The following DGKE variants were observed in gnomAD, a reference collection of about 807,000 sequenced individuals.
The protein encoded by DGKE is diacylglycerol kinase epsilon, also known as DAG kinase epsilon.
Under a neutral mutation model 70.0 loss-of-function variants are expected in DGKE, and 53 were observed. The observed-to-expected ratio is 0.76, with a 90% confidence interval of 0.61 to 0.95. The LOEUF (loss-of-function observed/expected upper bound fraction) is 0.95. Ranked by LOEUF, DGKE falls within the 40% of genes least tolerant of loss-of-function variation. The pLI, the probability that DGKE is intolerant of heterozygous loss-of-function variation, is 0.00. For synonymous variants in DGKE, 291 were observed against 257.0 expected (o/e 1.13, Z -1.27); for missense variants, 655 against 706.9 (o/e 0.93, Z 0.83).
intron 2 of DGKE, among the ~76,000 whole-genome samples, chr17:56,841,732 T>C (rs536859155): frequency 9.2e-5 from 14 of 152,336 alleles, no homozygotes; most frequent in African/African-American, 3.4e-4. Context: ...AATAATCTCA[T>C]TCATTTACCC....
chr17:56,840,162 C>T (rs968481941), intron 2 of DGKE, among the ~76,000 whole-genome samples: 8 of 151,986 alleles, frequency 5.3e-5, no homozygotes, highest in Non-Finnish European at 1.0e-4. Context: ...GAAACTCCAT[C>T]TCAAAAAATA....
chr17:56,853,725 G>A lies in DGKE; in HGVS notation c.1099-2787G>A, dbSNP rs1907781826. On this transcript the variant is annotated intron_variant, in intron 7 of 11. Transcript: ENST00000284061. ...TATACACTATTGGCATTGCAAATTA[G>A]TACAACCATTTTGGGAAACAATATG... Among the ~76,000 whole-genome samples the A allele has an allele frequency of 2.0e-5, 3 of 152,134 alleles. No homozygotes were observed. In the South Asian group the frequency reaches 6.2e-4, roughly 31 times the overall value.
At chr17:56,834,642 G>T in intron 1 of DGKE, 136 bp from the exon 2 acceptor site, 2 of 822,472 alleles carry the variant, frequency 2.4e-6, no homozygotes, top group Non-Finnish European at 3.8e-6. Context: ...GAGACGGGGG[G>T]ACGAGGCGCA....
In DGKE at chr17:56,863,097, G is replaced by T. The variant is rs535919612; in HGVS notation, c.*306G>T. ...GAGTGGGACTCACTCTGAAGTATGT[G>T]CTGTCTCATGTCTTATTTTTGAACC... On this transcript the variant is annotated 3_prime_UTR_variant, in exon 12 of 12. Coordinates refer to ENST00000284061, the MANE Select transcript of DGKE (RefSeq NM_003647.3). The T allele has an allele frequency of 4.8e-6, 1 of 210,378 alleles. No individual in the cohort carries two copies. Among genetic ancestry groups the T allele is most frequent in the South Asian group, 1.5e-4 (1 of 6,566 alleles). 13.0% of individuals were successfully genotyped at this position (210,378 alleles called of 1,614,324 possible). A position where few individuals can be genotyped will look rare whatever the true frequency, so the allele number is the denominator to read the frequency against.
chr17:56,835,772 A>C (rs960477341), intron 2 of DGKE: 2 of 159,506 alleles, frequency 1.3e-5, no homozygotes, highest in African/African-American at 2.4e-5. Context: ...CAAAAAGAAC[A>C]CTGAAAGGAA....
In DGKE at chr17:56,865,856, GA is replaced by G. The variant is rs1908505030; in HGVS notation, c.*3069del. ...TTGAATTTTAAATTTGCACTAACTT[GA>G]AAACTTTAAAGGTTATACTAATTTA... On this transcript the variant is annotated 3_prime_UTR_variant, in exon 12 of 12. Transcript: ENST00000284061. The G allele has an allele frequency of 1.3e-5, 2 of 151,926 alleles. No individual in the cohort carries two copies. The highest frequency in any genetic ancestry group is 4.1e-4 in the South Asian group (2 of 4,828). The allele number at this position is 151,926 out of a possible 1,614,324, so 9.4% of individuals were successfully genotyped here.
Position 56,868,551 on chromosome 17 carries a change from T to C in DGKE, c.*5760T>C, listed in dbSNP as rs1168425501. On this transcript the variant is annotated 3_prime_UTR_variant, in exon 12 of 12. Coordinates refer to ENST00000284061, the MANE Select transcript of DGKE (RefSeq NM_003647.3). Reference sequence around the variant, plus strand: ...TAACTACCACTTAATTATCTTGTGTTAATTGCTTTTGTTGTGTTGGGTCTG... The same window carrying C: ...TAACTACCACTTAATTATCTTGTGTCAATTGCTTTTGTTGTGTTGGGTCTG... 6.6e-6 allele frequency: 1 copy of C among 152,270 alleles called. No homozygotes were observed. The highest frequency in any genetic ancestry group is 2.4e-5 in the African/African-American group (1 of 41,470). The allele number at this position is 152,270 out of a possible 1,614,324, so 9.4% of individuals were successfully genotyped here.
chr17:56,846,426 C>G (rs1022964359), intron 4 of DGKE: 2 of 152,022 alleles, frequency 1.3e-5, no homozygotes, highest in East Asian at 1.9e-4. Flanking sequence ...GGAGTGATTG[C>G]GAATGGACAT....
rs1218250502 is a variant in DGKE, at chr17:56,863,743, A to G, written c.*952A>G. 1 of 152,224 alleles carries G rather than the reference A, an allele frequency of 6.6e-6. No individual in the cohort carries two copies. Among genetic ancestry groups the G allele is most frequent in the Non-Finnish European group, 1.5e-5 (1 of 68,036 alleles). 9.4% of individuals were successfully genotyped at this position (152,224 alleles called of 1,614,324 possible). ...AACAGAATTTCCCCTTAGGGAGGTAAGTGGACAGAAATCTTTGCTAAAATG... is the reference window on the plus strand; with the variant it reads ...AACAGAATTTCCCCTTAGGGAGGTAGGTGGACAGAAATCTTTGCTAAAATG... On this transcript the variant is annotated 3_prime_UTR_variant, in exon 12 of 12. Transcript: ENST00000284061.
rs1283995836 is a variant in DGKE, at chr17:56,862,705, G to A, written c.1618G>A (p.Ala540Thr). ...CTVTITHKTHAMMLYFSGEQT... is the reference protein window; with the variant it reads ...CTVTITHKTHTMMLYFSGEQT... ...TGTCACCATAACTCACAAGACACAT[G>A]CAATGATGTTATATTTCTCTGGAGA... Residue 540 changes from alanine (A) to threonine (T), a missense_variant, in exon 12 of 12, where the codon GCA becomes ACA. Coordinates refer to ENST00000284061, the MANE Select transcript of DGKE (RefSeq NM_003647.3). 6.2e-7 allele frequency: 1 copy of A among 1,611,340 alleles called. No individual in the cohort carries two copies.
At chr17:56,854,646 A>T (rs934638391) in intron 7 of DGKE, among the ~76,000 whole-genome samples, 1 of 152,190 alleles carries the variant, frequency 6.6e-6, no homozygotes, top group African/African-American at 2.4e-5. Context: ...TTCTCACCAC[A>T]AATAAATGAT....
At chr17:56,859,923 G>A (rs1215770343) in intron 9 of DGKE, among the ~76,000 whole-genome samples, 1 of 152,218 alleles carries the variant, frequency 6.6e-6, no homozygotes, top group Non-Finnish European at 1.5e-5. Flanking sequence ...TTGCCGTTAG[G>A]CGTAATGTTT....
chr17:56,850,220 G>A (rs1207894030), intron 7 of DGKE, among the ~76,000 whole-genome samples: 2 of 151,988 alleles, frequency 1.3e-5, no homozygotes, highest in African/African-American at 2.4e-5. Flanking sequence ...CGACCTCTGG[G>A]CCCAAGCGAT....
At chr17:56,861,983 G>T in intron 10 of DGKE, 65 bp downstream of exon 10, 1 of 1,546,992 alleles carries the variant, frequency 6.5e-7, no homozygotes, top group South Asian at 1.3e-5. Context: ...CTTGTTTATA[G>T]ACTTTAACAT....
chr17:56,862,074 A>C, intron 10 of DGKE, 66 bp from the exon 11 acceptor site: 1 of 1,575,674 alleles, frequency 6.3e-7, no homozygotes, highest in Admixed American at 1.7e-5. Flanking sequence ...GTTAAAAAGT[A>C]ATTGCTCTAG....
chr17:56,840,151 C>T (rs1351251093), intron 2 of DGKE, among the ~76,000 whole-genome samples: 9 of 151,878 alleles, frequency 5.9e-5, no homozygotes, highest in Non-Finnish European at 5.9e-5. Flanking sequence ...GCAACAAGAG[C>T]GAAACTCCAT....
intron 7 of DGKE, among the ~76,000 whole-genome samples, chr17:56,854,973 A>G (rs1033661223): frequency 6.6e-6 from 1 of 152,196 alleles, no homozygotes; most frequent in African/African-American, 2.4e-5. Flanking sequence ...TCATTTCTCT[A>G]TACATTCAAG....
Position 56,834,772 on chromosome 17 carries a change from G to A in DGKE, c.-18-6G>A. On this transcript the variant is annotated splice_polypyrimidine_tract_variant and splice_region_variant and intron_variant, in intron 1 of 11. Coordinates refer to ENST00000284061, the MANE Select transcript of DGKE (RefSeq NM_003647.3). ...GGGGTGCACCGCCTGTTTCTTTTCT[G>A]GTTAGGTATCGTCCTTGGAGAAGAT... 6.4e-7 allele frequency: 1 copy of A among 1,571,726 alleles called. No homozygotes were observed. The highest frequency in any genetic ancestry group is 8.6e-7 in the Non-Finnish European group (1 of 1,160,120).
Position 56,862,236 on chromosome 17 carries a change from G to A in DGKE, c.1509G>A (p.Gln503=). Residue 503 remains glutamine (Q), a synonymous_variant, in exon 11 of 12, where the codon CAG becomes CAA. Transcript: ENST00000284061. ...VKLANPFRIG[Q]AHTVRLILKC... ...TGGCTAATCCTTTTCGAATAGGACAGGCACATACAGTGAGGGTAGGTGAAA... is the reference window on the plus strand; with the variant it reads ...TGGCTAATCCTTTTCGAATAGGACAAGCACATACAGTGAGGGTAGGTGAAA... The A allele has an allele frequency of 6.2e-7, 1 of 1,613,978 alleles. No homozygotes were observed. The highest frequency in any genetic ancestry group is 8.5e-7 in the Non-Finnish European group (1 of 1,179,902).
Sources: gnomAD v4.1 joint callset for allele counts (sites outside exome capture counted in the v4.1 genomes callset) on GRCh38, gnomAD v4.1.1 for gene constraint, MANE v1.5 for transcripts, NCBI Gene and HGNC (gene_info 2026-07-23, HGNC 2026-07-21) for gene names.